Variants in SIGLEC11 observed in about 807,000 individuals in gnomAD.
SIGLEC11 encodes the protein sialic acid-binding Ig-like lectin 11.
A neutral mutation model predicts 61.2 loss-of-function variants in SIGLEC11; 47 were observed. That is an observed-to-expected ratio of 0.77 (90% confidence interval 0.61 to 0.98). SIGLEC11 has a LOEUF of 0.98. SIGLEC11 is among the 50% of genes least tolerant of loss of function. The pLI is 0.00. For missense variants in SIGLEC11, 610 were observed against 870.3 expected (o/e 0.70, Z 3.76); for synonymous variants, 278 against 373.1 (o/e 0.75, Z 2.94).
At position 49,958,845 on chromosome 19, in the gene SIGLEC11, C is replaced by G. The variant is rs749028221; in HGVS notation, c.1161G>C (p.Leu387=). 2 of 1,609,742 alleles carry G rather than the reference C, an allele frequency of 1.2e-6. No individual in the cohort carries two copies. The highest frequency in any genetic ancestry group is 2.2e-5 in the South Asian group (2 of 90,578). ...TSLPVLEGQS[L]RLVCVTHSSP... ...TGCTGTGGGTGACACAGACCAGGCG[C>G]AGGCTTTGGCCCTCCAGGACCGGGA... The change falls in exon 7 of 11, where the codon CTG becomes CTC. Residue 387 remains leucine (L), a synonymous_variant. Coordinates refer to ENST00000447370, the MANE Select transcript of SIGLEC11 (RefSeq NM_052884.3).
In SIGLEC11 at chr19:49,958,383, G is replaced by C; in HGVS notation, c.1551C>G (p.Ser517=). The C allele has an allele frequency of 6.2e-7, 1 of 1,614,184 alleles. No homozygotes were observed. The highest frequency in any genetic ancestry group is 1.1e-5 in the South Asian group (1 of 91,090). Residue 517 remains serine (S), a synonymous_variant, in exon 8 of 11, where the codon TCC becomes TCG. Transcript: ENST00000447370. ...PSSAGPWANS[S]LSLHGGLSSG... is the part of the protein sequence containing the mutation. ...AGCTGAGCCCTCCATGGAGGCTCAG[G>C]GAGCTGTTGGCCCAGGGCCCGGCTG...
chr19:49,953,383 G>T (rs1214959900), intron 8 of SIGLEC11, among the ~76,000 whole-genome samples: 2 of 152,130 alleles, frequency 1.3e-5, no homozygotes, highest in African/African-American at 4.8e-5. Flanking sequence ...GTTGGGGGCA[G>T]CGAGAGTGGC....
intron 9 of SIGLEC11, 111 bp downstream of exon 9, chr19:49,952,187 G>A: frequency 8.3e-7 from 1 of 1,203,934 alleles, no homozygotes; most frequent in Non-Finnish European, 1.2e-6. Flanking sequence ...CTTGCCCAAG[G>A]CCTAGTTCTC....
At chr19:49,953,322 A>AGGG (rs1020785581) in intron 8 of SIGLEC11, among the ~76,000 whole-genome samples, 2 of 152,184 alleles carry the variant, frequency 1.3e-5, no homozygotes, top group African/African-American at 4.8e-5. Context: ...TAGGGATGGA[A>AGGG]GGGGAGGCTG....
At position 49,950,069 on chromosome 19, in the gene SIGLEC11, G is replaced by A. The variant is rs143750227; in HGVS notation, c.1998C>T (p.Thr666=). The change falls in exon 11 of 11, where the codon ACC becomes ACT. Residue 666 remains threonine, a synonymous_variant. Transcript: ENST00000447370. ...EPADQEAPST[T]EYSEIKIHTG... ...TGTGGATCTTGATCTCCGAGTACTC[G>A]GTGGTGCTGGGGGCCTCCTGGTCCG... The A allele has an allele frequency of 7.8e-5, 124 of 1,597,618 alleles. 1 individual carries two copies. The African/African-American group carries it at 1.3e-3, about 17-fold the overall frequency.
chr19:49,958,183 C>T, intron 8 of SIGLEC11, 100 bp downstream of exon 8: 1 of 1,540,824 alleles, frequency 6.5e-7, no homozygotes, highest in Non-Finnish European at 8.8e-7. Flanking sequence ...CCCATCCCTT[C>T]CCACCACGCC....
rs1465935623 is a variant in SIGLEC11 at position 49,949,468 on chromosome 19, A to G, written c.*502T>C. The G allele has an allele frequency of 6.6e-6, 1 of 151,970 alleles. No homozygotes were observed. Among genetic ancestry groups the G allele is most frequent in the African/African-American group, 2.4e-5 (1 of 41,324 alleles). 9.4% of individuals were successfully genotyped at this position (151,970 alleles called of 1,614,324 possible). A position where few individuals can be genotyped will look rare whatever the true frequency, so the allele number is the denominator to read the frequency against. On this transcript the variant is annotated 3_prime_UTR_variant, in exon 11 of 11. Coordinates refer to ENST00000447370, the MANE Select transcript of SIGLEC11 (RefSeq NM_052884.3). ...CTCTGCCTGGTTTCCTGTGCTTTAC[A>G]CATCCAGAGAAGCTTCTGTAGTAAT...
Position 49,960,900 on chromosome 19 carries a change from C to A in SIGLEC11, c.112G>T (p.Val38Leu), listed in dbSNP as rs756000842. Residue 38 changes from valine to leucine, a missense_variant, in exon 2 of 11, where the codon GTG becomes TTG. Transcript: ENST00000447370. Reference sequence around the variant, plus strand: ...TCCGGCACCGGCACCTGCCTCTGCACTTGAAGACTGTAACTGGGATCCTTG... The same window carrying A: ...TCCGGCACCGGCACCTGCCTCTGCAATTGAAGACTGTAACTGGGATCCTTG... Reference protein sequence around the residue: ...LNKDPSYSLQVQRQVPVPEGL... With the variant: ...LNKDPSYSLQLQRQVPVPEGL... The A allele has an allele frequency of 2.0e-6, 3 of 1,529,620 alleles. No homozygotes were observed. The highest frequency in any genetic ancestry group is 1.8e-5 in the Admixed American group (1 of 57,064). 94.8% of individuals were successfully genotyped at this position (1,529,620 alleles called of 1,614,324 possible).
rs1342811067 is a variant in SIGLEC11 at position 49,955,648 on chromosome 19, T to C, written c.1651+2635A>G. Among the ~76,000 whole-genome samples the C allele has an allele frequency of 6.6e-6, 1 of 151,998 alleles. No homozygotes were observed. Among genetic ancestry groups the C allele is most frequent in the African/African-American group, 2.4e-5 (1 of 41,386 alleles). On this transcript the variant is annotated intron_variant, in intron 8 of 10. Coordinates refer to ENST00000447370, the MANE Select transcript of SIGLEC11 (RefSeq NM_052884.3). This position sits in a 1 kb window ranked among gnomAD's most constrained non-coding sequence, Gnocchi z 4.5. ...CAGCAGCCCTCATAAAAAGAAAAAT[T>C]AGCAGGCCGGGCATGGCGGCTCACA...
rs1475030435 is a variant in SIGLEC11, at chr19:49,955,729, T to C, written c.1651+2554A>G. ...GTGGACAGATCACAGGGTCAGGAGA[T>C]TGAGACCATCCTGGCTAACACTGTG... On this transcript the variant is annotated intron_variant, in intron 8 of 10. Transcript: ENST00000447370. This position sits in a 1 kb window ranked among gnomAD's most constrained non-coding sequence, Gnocchi z 4.5. Among the ~76,000 whole-genome samples the C allele has an allele frequency of 6.6e-6, 1 of 152,094 alleles. No individual in the cohort carries two copies. The highest frequency in any genetic ancestry group is 1.9e-4 in the East Asian group (1 of 5,188).
Position 49,949,992 on chromosome 19 carries a change from A to G in SIGLEC11, c.2075T>C (p.Met692Thr), listed in dbSNP as rs547955989. 5 of 1,497,218 alleles carry G rather than the reference A, an allele frequency of 3.3e-6. No individual in the cohort carries two copies. In the South Asian group the frequency reaches 6.9e-5, roughly 21 times the overall value. 92.7% of individuals were successfully genotyped at this position (1,497,218 alleles called of 1,614,324 possible). ...PGFGLQLERE[M>T]SGMVPK ...TCTTCACTTTGGAACCATCCCTGAC[A>G]TCTCCCTCTCCAATTGAAGCCCAAA... is the stretch of plus-strand genomic sequence containing the variant. Residue 692 changes from methionine to threonine, a missense_variant, in exon 11 of 11, where the codon ATG becomes ACG. By Grantham distance (81) the Met-to-Thr change is moderately conservative (BLOSUM62 -1). This residue lies in a region of SIGLEC11 where 432 missense variants were observed against 441.5 expected (regional missense o/e 0.98). Coordinates refer to ENST00000447370, the MANE Select transcript of SIGLEC11 (RefSeq NM_052884.3).
chr19:49,949,458 T>G lies in SIGLEC11; in HGVS notation c.*512A>C, dbSNP rs2076143726. ...CCTGTGCCTCCTCTGCCTGGTTTCC[T>G]GTGCTTTACACATCCAGAGAAGCTT... is the stretch of plus-strand genomic sequence containing the variant. On this transcript the variant is annotated 3_prime_UTR_variant, in exon 11 of 11. Transcript: ENST00000447370. The G allele has an allele frequency of 6.6e-6, 1 of 152,110 alleles. No homozygotes were observed. 9.4% of individuals were successfully genotyped at this position (152,110 alleles called of 1,614,324 possible).
chr19:49,956,949 G>C (rs1337810681), intron 8 of SIGLEC11, among the ~76,000 whole-genome samples: 1 of 152,114 alleles, frequency 6.6e-6, no homozygotes. Context: ...CAATGAAAAG[G>C]CAATTATAAA....
rs749111639 is a variant in SIGLEC11 at position 49,958,634 on chromosome 19, C to G, written c.1363+9G>C. The G allele has an allele frequency of 6.3e-7, 1 of 1,580,328 alleles. No individual in the cohort carries two copies. Among genetic ancestry groups the G allele is most frequent in the Non-Finnish European group, 8.6e-7 (1 of 1,163,876 alleles). On this transcript the variant is annotated intron_variant, in intron 7 of 10. Coordinates refer to ENST00000447370, the MANE Select transcript of SIGLEC11 (RefSeq NM_052884.3). ...CCTGGGACCCAGGTGTCCCCTTTCC[C>G]CCACTCACAGTGCACGGAGAGGCTG...
Position 49,952,326 on chromosome 19 carries a change from C to A in SIGLEC11, c.1720G>T (p.Ala574Ser). The A allele has an allele frequency of 1.2e-6, 2 of 1,612,194 alleles. No homozygotes were observed. Among genetic ancestry groups the A allele is most frequent in the Non-Finnish European group, 1.7e-6 (2 of 1,179,980 alleles). The change falls in exon 9 of 11, where the codon GCT becomes TCT. Residue 574 changes from alanine to serine, a missense_variant. Coordinates refer to ENST00000447370, the MANE Select transcript of SIGLEC11 (RefSeq NM_052884.3). The stretch of plus-strand genomic sequence containing the variant: ...AAGACGACAAGGCAGGAACAGAAAG[C>A]GAGCAGGGCAGCGACGCCAGCTCCC... ...ALGAGVAALLAFCSCLVVFRV... is the reference protein window; with the variant it reads ...ALGAGVAALLSFCSCLVVFRV...
rs1443691546 is a variant in SIGLEC11 at position 49,958,639 on chromosome 19, TCA to T, written c.1363+2_1363+3del. On this transcript the variant is annotated splice_donor_variant and splice_donor_region_variant and intron_variant, in intron 7 of 10. Coordinates refer to ENST00000447370, the MANE Select transcript of SIGLEC11 (RefSeq NM_052884.3). LOFTEE classifies it high-confidence loss of function. ...GACCCAGGTGTCCCCTTTCCCCCAC[TCA>T]CAGTGCACGGAGAGGCTGAGAGAGA... The T allele has an allele frequency of 2.5e-6, 4 of 1,583,092 alleles. No homozygotes were observed. The highest frequency in any genetic ancestry group is 2.7e-5 in the African/African-American group (2 of 74,232).
At position 49,957,243 on chromosome 19, in the gene SIGLEC11, C is replaced by T. The variant is rs942441058; in HGVS notation, c.1651+1040G>A. Among the ~76,000 whole-genome samples the T allele has an allele frequency of 4.6e-5, 7 of 152,284 alleles. No individual in the cohort carries two copies. In the South Asian group the frequency reaches 1.0e-3, roughly 23 times the overall value. On this transcript the variant is annotated intron_variant, in intron 8 of 10. Transcript: ENST00000447370. ...ACCTTTGTCTAAAGAAAAAAAGTGT[C>T]TCTTCATGCAGAATTAAGTAATAGT...
At chr19:49,954,537 G>C (rs186364342) in intron 8 of SIGLEC11, among the ~76,000 whole-genome samples, 20 of 152,242 alleles carry the variant, frequency 1.3e-4, no homozygotes, top group Admixed American at 5.2e-4. Context: ...GTTCGGAGGT[G>C]GGGGGCAACG....
intron 9 of SIGLEC11, 67 bp downstream of exon 9, chr19:49,952,231 G>T: frequency 6.7e-7 from 1 of 1,489,780 alleles, no homozygotes; most frequent in Non-Finnish European, 9.2e-7. Context: ...CCTGCAGCTG[G>T]GACTGTCTGG....
Sources: allele counts gnomAD v4.1 joint callset (sites outside exome capture counted in the v4.1 genomes callset), GRCh38; gene constraint gnomAD v4.1.1; regional missense constraint gnomAD v4.1.1; non-coding constraint Gnocchi (gnomAD v3.1); transcripts MANE v1.5; gene names NCBI Gene and HGNC (gene_info 2026-07-23, HGNC 2026-07-21).